Variants in DNAAF1 observed in about 807,000 individuals in gnomAD.
DNAAF1 encodes dynein axonemal assembly factor 1, also known as dynein assembly factor 1, axonemal.
In DNAAF1, 65 loss-of-function variants were observed where a neutral mutation model predicts 71.1. The ratio of observed to expected loss-of-function variants is 0.91; its 90% CI spans 0.75 to 1.12. The LOEUF (loss-of-function observed/expected upper bound fraction) is 1.12, where lower values mean the gene tolerates loss of function less well. Ranked by LOEUF, DNAAF1 falls within the 50% of genes most tolerant of loss-of-function variation. The probability of loss-of-function intolerance (pLI) is 0.00; values close to 1 mark genes in which losing one functional copy is unlikely to be tolerated. For synonymous variants in DNAAF1, 414 were observed against 354.6 expected (o/e 1.17, Z -1.88); for missense variants, 1,178 against 899.8 (o/e 1.31, Z -3.96).
At chr16:84,159,268 C>G in intron 5 of DNAAF1, 1 of 1,108,738 alleles carries the variant, frequency 9.0e-7, no homozygotes, top group Non-Finnish European at 1.1e-6. Flanking sequence ...TGTCTAGCGG[C>G]TGTGTGCGTT....
intron 7 of DNAAF1, among the ~76,000 whole-genome samples, chr16:84,166,498 G>T (rs966773255): frequency 1.3e-5 from 2 of 150,116 alleles, no homozygotes; most frequent in Non-Finnish European, 2.9e-5. Context: ...CTTCCTAAGT[G>T]GCTGGGACTA....
intron 2 of DNAAF1, 35 bp downstream of exon 2, chr16:84,149,177 T>C: frequency 6.2e-7 from 1 of 1,612,850 alleles, no homozygotes; most frequent in Non-Finnish European, 8.5e-7. Context: ...TGCACATTTA[T>C]GGAGTAAGGT....
In DNAAF1 at chr16:84,150,024, CA is replaced by C. The variant is rs1256195166; in HGVS notation, c.261-216del. Among the ~76,000 whole-genome samples the C allele has an allele frequency of 5.7e-3, 673 of 117,248 alleles. 7 individuals carry two copies. The highest frequency in any genetic ancestry group is 0.019 in the African/African-American group (605 of 31,750). 76.9% of individuals were successfully genotyped at this position (117,248 alleles called of 152,430 possible). A position where few individuals can be genotyped will look rare whatever the true frequency, so the allele number is the denominator to read the frequency against. ...TGGGCAATAGAGTGAGACTCTGTCT[CA>C]AAAAAAAAAATGCTGAAAATAATAT... On this transcript the variant is annotated intron_variant, in intron 2 of 11. Coordinates refer to ENST00000378553, the MANE Select transcript of DNAAF1 (RefSeq NM_178452.6).
At chr16:84,165,002 GA>G (rs1395176926) in intron 6 of DNAAF1, among the ~76,000 whole-genome samples, 2 of 152,162 alleles carry the variant, frequency 1.3e-5, no homozygotes, top group African/African-American at 2.4e-5. Context: ...GCATTTCCCT[GA>G]GGACACGTGA....
chr16:84,175,720 G>T, intron 10 of DNAAF1: 1 of 599,584 alleles, frequency 1.7e-6, no homozygotes, highest in East Asian at 2.9e-5. Context: ...GGGGAGCAGA[G>T]GGCAGAGAGA....
At chr16:84,174,773 G>A (rs752104162) in intron 10 of DNAAF1, 51 bp downstream of exon 10, 14 of 1,611,062 alleles carry the variant, frequency 8.7e-6, no homozygotes, top group Admixed American at 5.0e-5. Flanking sequence ...TTCCACCTTC[G>A]TTCTTGTCGT....
intron 7 of DNAAF1, among the ~76,000 whole-genome samples, chr16:84,166,255 G>A (rs2087983613): frequency 6.6e-6 from 1 of 151,800 alleles, no homozygotes; most frequent in Non-Finnish European, 1.5e-5. Flanking sequence ...ATTTCGCCAT[G>A]TTGTCCAGGC....
At chr16:84,174,636 C>A in intron 9 of DNAAF1, 33 bp from the exon 10 acceptor site, 1 of 1,614,076 alleles carries the variant, frequency 6.2e-7, no homozygotes, top group Non-Finnish European at 8.5e-7. Context: ...GCGTGTACCT[C>A]CCTGGTGATG....
intron 7 of DNAAF1, 88 bp downstream of exon 7, chr16:84,166,037 ATTTTTTTTTTTTTTTT>A: frequency 1.8e-6 from 2 of 1,084,312 alleles, no homozygotes; most frequent in Non-Finnish European, 2.6e-6. Flanking sequence ...AATCTTGGGA[ATTTTTTTTTTTTTTTT>A]TTTTTTTTTT....
In DNAAF1 at chr16:84,169,018, G is replaced by A. The variant is rs2088177298; in HGVS notation, c.1031-841G>A. Among the ~76,000 whole-genome samples, 3 of 151,228 alleles carry A rather than the reference G, an allele frequency of 2.0e-5. No individual in the cohort carries two copies. The South Asian group carries it at 6.3e-4, about 32-fold the overall frequency. On this transcript the variant is annotated intron_variant, in intron 7 of 11. Transcript: ENST00000378553. ...CTGTGCTTGGCAGTGCCTTCCGTAG[G>A]CATTTGGCTCCCATTATTATCCATT...
intron 1 of DNAAF1, among the ~76,000 whole-genome samples, chr16:84,145,965 C>T (rs144909426): frequency 0.037 from 5,672 of 152,118 alleles, 167 homozygotes; most frequent in Non-Finnish European, 0.062. Context: ...GGCGTGGTGG[C>T]GGGCGCCTGT....
chr16:84,166,282 GCTTCAAGTGATCTGCCTGC>G lies in DNAAF1; in HGVS notation c.1030+337_1030+355del, dbSNP rs563669801. Among the ~76,000 whole-genome samples the G allele has an allele frequency of 1.3e-3, 193 of 151,918 alleles. 2 individuals carry two copies. The highest frequency in any genetic ancestry group is 4.3e-3 in the African/African-American group (179 of 41,474). On this transcript the variant is annotated intron_variant, in intron 7 of 11. Transcript: ENST00000378553. ...TGTCCAGGCTCGTCTCGAACTCCTG[GCTTCAAGTGATCTGCCTGC>G]CTTGGCTTCCCAAAGTGCTGGGATT...
chr16:84,147,873 C>T (rs922779809), intron 1 of DNAAF1, among the ~76,000 whole-genome samples: 1 of 152,098 alleles, frequency 6.6e-6, no homozygotes, highest in Non-Finnish European at 1.5e-5. Flanking sequence ...TGAGGACAGC[C>T]TGGCCAACAT....
intron 3 of DNAAF1, among the ~76,000 whole-genome samples, chr16:84,153,863 C>G (rs1264105436): frequency 6.6e-6 from 1 of 152,162 alleles, no homozygotes; most frequent in Non-Finnish European, 1.5e-5. Flanking sequence ...ACTGCACCCC[C>G]ACCTCCACCC....
chr16:84,167,154 A>C (rs549436215), intron 7 of DNAAF1, among the ~76,000 whole-genome samples: 1 of 152,336 alleles, frequency 6.6e-6, no homozygotes, highest in South Asian at 2.1e-4. Flanking sequence ...GATGGCTCAC[A>C]GAACTCCAGA....
chr16:84,176,446 G>T, intron 11 of DNAAF1, 147 bp downstream of exon 11: 2 of 1,271,764 alleles, frequency 1.6e-6, no homozygotes, highest in Non-Finnish European at 2.2e-6. Flanking sequence ...TCCTCTGAAG[G>T]TCCCATTCCT....
rs749406461 is a variant in DNAAF1 at position 84,145,400 on chromosome 16, C to T, written c.-41C>T. On this transcript the variant is annotated 5_prime_UTR_variant, in exon 1 of 12. Transcript: ENST00000378553. ...TAGCGACGTCCGCCGCGAACCTGGG[C>T]CCCCCAAAGCTGCGGGGCGTTCGGT... 1.0e-5 allele frequency: 16 copies of T among 1,566,664 alleles called. No homozygotes were observed. Among genetic ancestry groups the T allele is most frequent in the African/African-American group, 2.7e-5 (2 of 74,272 alleles).
chr16:84,159,026 C>T (rs1567546951), intron 5 of DNAAF1: 3 of 987,088 alleles, frequency 3.0e-6, no homozygotes, highest in East Asian at 1.1e-4. Context: ...CCACCATGCC[C>T]AGCCCCACTA....
Position 84,174,413 on chromosome 16 carries a change from A to T in DNAAF1, c.1645-256A>T, listed in dbSNP as rs1446277960. 4 of 1,383,492 alleles carry T rather than the reference A, an allele frequency of 2.9e-6. No homozygotes were observed. In the African/African-American group the frequency reaches 4.4e-5, roughly 15 times the overall value. 85.7% of individuals were successfully genotyped at this position (1,383,492 alleles called of 1,614,324 possible). A position where few individuals can be genotyped will look rare whatever the true frequency, so the allele number is the denominator to read the frequency against. On this transcript the variant is annotated intron_variant, in intron 9 of 11. Coordinates refer to ENST00000378553, the MANE Select transcript of DNAAF1 (RefSeq NM_178452.6). ...CTCTTAATAAAAAAGCAGAAAAAAG[A>T]TGTGGAAATTCTTTAAACACGTCAC...
Sources: allele counts gnomAD v4.1 joint callset (sites outside exome capture counted in the v4.1 genomes callset), GRCh38; gene constraint gnomAD v4.1.1; transcripts MANE v1.5; gene names NCBI Gene and HGNC (gene_info 2026-07-23, HGNC 2026-07-21).